Variants in DARS1 observed in about 807,000 individuals in gnomAD.
DARS1 encodes the protein aspartate--tRNA ligase, cytoplasmic.
Under a neutral mutation model 68.8 loss-of-function variants are expected in DARS1, and 51 were observed. The ratio of observed to expected loss-of-function variants is 0.74; its 90% CI spans 0.59 to 0.94. The LOEUF is 0.94. Among genes scored for constraint, DARS1 ranks in the 40% least tolerant of loss-of-function variants. The pLI, the probability that DARS1 is intolerant of heterozygous loss-of-function variation, is 0.00. For missense variants in DARS1, 607 were observed against 597.3 expected (o/e 1.02, Z -0.17); for synonymous variants, 203 against 190.4 (o/e 1.07, Z -0.55).
intron 4 of DARS1, among the ~76,000 whole-genome samples, chr2:135,958,032 G>C (rs1682016886): frequency 6.6e-6 from 1 of 152,158 alleles, no homozygotes; most frequent in African/African-American, 2.4e-5. Flanking sequence ...TTCAATACTA[G>C]TAATGGGAAG....
intron 4 of DARS1, among the ~76,000 whole-genome samples, chr2:135,947,583 G>A (rs1217773011): frequency 3.3e-5 from 5 of 151,888 alleles, no homozygotes; most frequent in East Asian, 1.9e-4. Flanking sequence ...AGGCCTACAC[G>A]GTAGGTATTA....
rs1233597170 is a variant in DARS1 at position 135,985,535 on chromosome 2, G to A, written c.-67C>T. On this transcript the variant is annotated 5_prime_UTR_variant, in exon 1 of 16. Coordinates refer to ENST00000264161, the MANE Select transcript of DARS1 (RefSeq NM_001349.4). ...GGCTTCCGTAAGGCAGGCCAAAGGG[G>A]CTTCTCCCTCCCTCCCAGTCTCCGC... is the stretch of plus-strand genomic sequence containing the variant. The A allele has an allele frequency of 5.6e-6, 9 of 1,611,516 alleles. No homozygotes were observed. Among genetic ancestry groups the A allele is most frequent in the Non-Finnish European group, 5.9e-6 (7 of 1,179,008 alleles).
chr2:135,945,515 G>T (rs1388181375), intron 4 of DARS1, among the ~76,000 whole-genome samples: 1 of 152,106 alleles, frequency 6.6e-6, no homozygotes, highest in Non-Finnish European at 1.5e-5. Context: ...TCTGCCCAGG[G>T]CTGGCTGTAG....
intron 4 of DARS1, among the ~76,000 whole-genome samples, chr2:135,957,776 T>C (rs1682011769): frequency 6.6e-6 from 1 of 152,150 alleles, no homozygotes; most frequent in South Asian, 2.1e-4. Context: ...GCAAACCCCA[T>C]TAATCACTTA....
chr2:135,935,850 G>A (rs1372441726), intron 5 of DARS1, among the ~76,000 whole-genome samples: 1 of 152,182 alleles, frequency 6.6e-6, no homozygotes, highest in Non-Finnish European at 1.5e-5. Flanking sequence ...TACTCTTCTA[G>A]TTGGCAGATC....
chr2:135,983,291 A>G, intron 2 of DARS1, 106 bp downstream of exon 2: 1 of 684,242 alleles, frequency 1.5e-6, no homozygotes, highest in Admixed American at 2.9e-5. Context: ...TAAGCTTTTC[A>G]GAATTATACC....
chr2:135,949,287 T>A (rs1199992765), intron 4 of DARS1, among the ~76,000 whole-genome samples: 1 of 152,106 alleles, frequency 6.6e-6, no homozygotes, highest in Non-Finnish European at 1.5e-5. Context: ...AACTTGTGTT[T>A]ACACTCACTG....
intron 4 of DARS1, among the ~76,000 whole-genome samples, chr2:135,959,808 G>A (rs1200145514): frequency 1.3e-5 from 2 of 152,156 alleles, no homozygotes; most frequent in African/African-American, 4.8e-5. Flanking sequence ...ATGTAACGCC[G>A]AGGTTATAAT....
chr2:135,942,552 T>C (rs1681625846), intron 5 of DARS1, among the ~76,000 whole-genome samples: 2 of 151,376 alleles, frequency 1.3e-5, no homozygotes, highest in Admixed American at 1.3e-4. Context: ...ATACCTAATG[T>C]AAATGACGAG....
intron 2 of DARS1, among the ~76,000 whole-genome samples, chr2:135,982,859 C>CT (rs1434279046): frequency 2.0e-5 from 3 of 152,128 alleles, no homozygotes; most frequent in African/African-American, 4.8e-5. Context: ...CTGGCAGACT[C>CT]TGTGTAAGTC....
chr2:135,908,794 A>C (rs1281397104), intron 15 of DARS1, among the ~76,000 whole-genome samples: 4 of 152,180 alleles, frequency 2.6e-5, no homozygotes. Context: ...AATTTGTTTA[A>C]GTTCCTTGTG....
chr2:135,941,661 G>A (rs1681599326), intron 5 of DARS1, among the ~76,000 whole-genome samples: 1 of 150,616 alleles, frequency 6.6e-6, no homozygotes, highest in Non-Finnish European at 1.5e-5. Flanking sequence ...TGACAAATGG[G>A]ATCTAATTAA....
rs1261510150 is a variant in DARS1, at chr2:135,983,410, T to C, written c.111A>G (p.Ser37=). The stretch of plus-strand genomic sequence containing the variant: ...ATAGCTACTAACCTGGTTTTTCTTG[T>C]GATTGTATCATTGAAGATATTCCAT... The part of the protein sequence containing the change: ...ERYGISSMIQ[S]QEKPDRVLVR... Residue 37 remains serine, a synonymous_variant, in exon 2 of 16, where the codon TCA becomes TCG. Coordinates refer to ENST00000264161, the MANE Select transcript of DARS1 (RefSeq NM_001349.4). 2 of 1,188,944 alleles carry C rather than the reference T, an allele frequency of 1.7e-6. No individual in the cohort carries two copies. Among genetic ancestry groups the C allele is most frequent in the Non-Finnish European group, 2.5e-6 (2 of 798,810 alleles). 73.6% of individuals were successfully genotyped at this position (1,188,944 alleles called of 1,614,324 possible). A position where few individuals can be genotyped will look rare whatever the true frequency, so the allele number is the denominator to read the frequency against.
chr2:135,933,474 A>G (rs1411754265), intron 6 of DARS1, among the ~76,000 whole-genome samples: 1 of 152,220 alleles, frequency 6.6e-6, no homozygotes. Context: ...GAGGGAGCTG[A>G]GTGGTTAAGG....
chr2:135,913,544 G>T (rs1382643260), intron 12 of DARS1, among the ~76,000 whole-genome samples: 1 of 152,038 alleles, frequency 6.6e-6, no homozygotes, highest in Non-Finnish European at 1.5e-5. Context: ...ATCACCTGAG[G>T]TCAGGAGTTC....
chr2:135,964,840 CAAAAAA>C (rs372676148), intron 3 of DARS1, among the ~76,000 whole-genome samples: 2 of 49,630 alleles, frequency 4.0e-5, no homozygotes, highest in Non-Finnish European at 7.9e-5. Context: ...GACTCCACCT[CAAAAAA>C]AAAAAAAAAA....
intron 3 of DARS1, among the ~76,000 whole-genome samples, chr2:135,966,624 T>C (rs1682242588): frequency 6.6e-6 from 1 of 152,172 alleles, no homozygotes. Flanking sequence ...CTCTGCCTCC[T>C]GGGTTCAAGT....
chr2:135,923,630 T>C (rs150609972), intron 8 of DARS1, among the ~76,000 whole-genome samples: 3 of 152,306 alleles, frequency 2.0e-5, no homozygotes, highest in East Asian at 3.9e-4. Flanking sequence ...CAATGTTCAA[T>C]TGTGAATTTG....
chr2:135,977,287 T>C (rs1191064938), intron 3 of DARS1, among the ~76,000 whole-genome samples: 1 of 152,152 alleles, frequency 6.6e-6, no homozygotes, highest in Non-Finnish European at 1.5e-5. Flanking sequence ...GCAATTTGCG[T>C]AGAGTAAACA....
Sources: gnomAD v4.1 joint callset for allele counts (sites outside exome capture counted in the v4.1 genomes callset) on GRCh38, gnomAD v4.1.1 for gene constraint, MANE v1.5 for transcripts, NCBI Gene and HGNC (gene_info 2026-07-23, HGNC 2026-07-21) for gene names.